YME1L1: variants seen among roughly 807,000 people sequenced by gnomAD.
YME1L1 encodes YME1 like 1 ATPase.
Under a neutral mutation model 90.4 loss-of-function variants are expected in YME1L1, and 39 were observed. That is an observed-to-expected ratio of 0.43 (90% CI 0.33 to 0.56). The LOEUF is 0.56. YME1L1 is among the 20% of genes least tolerant of loss of function. YME1L1 has a pLI of 0.03. For missense variants in YME1L1, 617 were observed against 868.4 expected (o/e 0.71, Z 3.64); for synonymous variants, 284 against 287.3 (o/e 0.99, Z 0.12).
chr10:27,115,009 AGAGCGAGACTCC>A (rs1388895654), intron 17 of YME1L1, among the ~76,000 whole-genome samples: 1 of 152,196 alleles, frequency 6.6e-6, no homozygotes, highest in Non-Finnish European at 1.5e-5. Context: ...CCTAGGTGAC[AGAGCGAGACTCC>A]GTCTCCAAAA....
chr10:27,131,949 GAAGAA>G lies in YME1L1; in HGVS notation c.776-13_776-9del. ...TTGTTGTCCGGAAGCGGACTAAAGGGAAGAAAAGAAATGTTTATATTTGATAGATT... is the reference window on the plus strand; with the variant it reads ...TTGTTGTCCGGAAGCGGACTAAAGGGAAGAAATGTTTATATTTGATAGATT... On this transcript the variant is annotated splice_polypyrimidine_tract_variant and intron_variant, in intron 7 of 18. Coordinates refer to ENST00000376016, the MANE Select transcript of YME1L1 (RefSeq NM_014263.4). 1 of 1,600,958 alleles carries G rather than the reference GAAGAA, an allele frequency of 6.2e-7. No individual in the cohort carries two copies. The highest frequency in any genetic ancestry group is 8.5e-7 in the Non-Finnish European group (1 of 1,174,790).
intron 8 of YME1L1, among the ~76,000 whole-genome samples, chr10:27,128,606 A>G (rs2056944283): frequency 6.6e-6 from 1 of 151,904 alleles, no homozygotes; most frequent in South Asian, 2.1e-4. Context: ...AAAGAAGAAG[A>G]AAAAGAAAGA....
chr10:27,131,711 T>C, intron 8 of YME1L1, 148 bp downstream of exon 8: 1 of 573,922 alleles, frequency 1.7e-6, no homozygotes. Context: ...CCTTGGCTAT[T>C]ATTATTTATC....
intron 4 of YME1L1, among the ~76,000 whole-genome samples, chr10:27,138,262 G>T (rs1450314092): frequency 1.3e-5 from 2 of 152,102 alleles, no homozygotes; most frequent in Middle Eastern, 6.8e-3. Context: ...GTATTTTCAT[G>T]TACTTAAGTA....
At chr10:27,126,646 CTTTG>C (rs1417422219) in intron 9 of YME1L1, 46 bp downstream of exon 9, 2 of 1,032,434 alleles carry the variant, frequency 1.9e-6, no homozygotes, top group Non-Finnish European at 1.4e-6. Context: ...TTGTTTGTTT[CTTTG>C]TTTTTGTTTT....
intron 1 of YME1L1, among the ~76,000 whole-genome samples, chr10:27,152,213 A>G (rs962021691): frequency 3.9e-5 from 6 of 152,220 alleles, no homozygotes; most frequent in Non-Finnish European, 7.3e-5. Flanking sequence ...ACCTCTTTGA[A>G]AAGATTTATT....
intron 4 of YME1L1, among the ~76,000 whole-genome samples, chr10:27,139,142 G>A (rs1205616131): frequency 1.3e-5 from 2 of 151,862 alleles, no homozygotes; most frequent in African/African-American, 4.8e-5. Context: ...CATCTATTTT[G>A]TTCCTCTGTC....
At chr10:27,148,362 C>G (rs545160010) in intron 2 of YME1L1, among the ~76,000 whole-genome samples, 34 of 152,036 alleles carry the variant, frequency 2.2e-4, no homozygotes, top group Non-Finnish European at 4.1e-4. Flanking sequence ...GCCACCACAC[C>G]CGGCTAATTT....
chr10:27,128,501 T>C (rs939660062), intron 8 of YME1L1, among the ~76,000 whole-genome samples: 1 of 151,764 alleles, frequency 6.6e-6, no homozygotes, highest in African/African-American at 2.4e-5. Context: ...TTTGTGAGGC[T>C]GAGATGGGAG....
intron 6 of YME1L1, 147 bp from the exon 7 acceptor site, chr10:27,134,269 T>C: frequency 2.9e-6 from 2 of 694,848 alleles, no homozygotes; most frequent in Non-Finnish European, 4.9e-6. Context: ...ACTGCTATGA[T>C]TTCCTGTAAG....
rs2056923794 is a variant in YME1L1 at position 27,126,770 on chromosome 10, T to C, written c.875A>G (p.Gln292Arg). The change falls in exon 9 of 19, where the codon CAA becomes CGA. Residue 292 changes from glutamine to arginine, a missense_variant. By Grantham distance (43) the Gln-to-Arg change is conservative. Coordinates refer to ENST00000376016, the MANE Select transcript of YME1L1 (RefSeq NM_014263.4). Reference protein sequence around the residue: ...EHVKGVEEAKQELQEVVEFLK... With the variant: ...EHVKGVEEAKRELQEVVEFLK... ...GAATTCAACAACTTCCTGTAATTCT[T>C]GTTTAGCTTCCTCCACCTAAAGTGA... 6 of 1,589,040 alleles carry C rather than the reference T, an allele frequency of 3.8e-6. No individual in the cohort carries two copies. The highest frequency in any genetic ancestry group is 5.1e-6 in the Non-Finnish European group (6 of 1,170,068).
chr10:27,136,465 C>T (rs1253533036), intron 4 of YME1L1, 80 bp from the exon 5 acceptor site: 7 of 1,140,480 alleles, frequency 6.1e-6, no homozygotes, highest in Non-Finnish European at 9.0e-6. Flanking sequence ...AAGTCTGACA[C>T]CCTACCTGTA....
chr10:27,113,020 G>A (rs999731415), intron 18 of YME1L1, among the ~76,000 whole-genome samples: 2 of 151,590 alleles, frequency 1.3e-5, no homozygotes, highest in East Asian at 3.9e-4. Context: ...CCAGGAGTTC[G>A]ACACCAGCCT....
At chr10:27,147,195 C>T (rs2057153030) in intron 2 of YME1L1, 2 of 584,658 alleles carry the variant, frequency 3.4e-6, no homozygotes, top group Non-Finnish European at 6.1e-6. Flanking sequence ...AAATGGAGAA[C>T]TAAGGAAGAT....
At chr10:27,123,512 A>G in intron 10 of YME1L1, 35 bp downstream of exon 10, 1 of 1,603,716 alleles carries the variant, frequency 6.2e-7, no homozygotes, top group Non-Finnish European at 8.5e-7. Context: ...CCTTAACAAA[A>G]TTTAGCACTG....
Position 27,131,957 on chromosome 10 carries a change from G to GAA in YME1L1, c.776-18_776-17dup. 1 of 1,594,428 alleles carries GAA rather than the reference G, an allele frequency of 6.3e-7. No individual in the cohort carries two copies. Among genetic ancestry groups the GAA allele is most frequent in the Non-Finnish European group, 8.6e-7 (1 of 1,169,350 alleles). ...CGGAAGCGGACTAAAGGGAAGAAAAGAAATGTTTATATTTGATAGATTAAT... is the reference window on the plus strand; with the variant it reads ...CGGAAGCGGACTAAAGGGAAGAAAAGAAAAATGTTTATATTTGATAGATTAAT... On this transcript the variant is annotated splice_polypyrimidine_tract_variant and intron_variant, in intron 7 of 18. Coordinates refer to ENST00000376016, the MANE Select transcript of YME1L1 (RefSeq NM_014263.4).
At chr10:27,144,978 A>G (rs2057126911) in intron 3 of YME1L1, among the ~76,000 whole-genome samples, 1 of 152,012 alleles carries the variant, frequency 6.6e-6, no homozygotes, top group Admixed American at 6.6e-5. Flanking sequence ...CATCTCTACT[A>G]AAAATACAAA....
intron 15 of YME1L1, 25 bp from the exon 16 acceptor site, chr10:27,116,370 T>TA (rs2056812996): frequency 1.9e-6 from 3 of 1,611,030 alleles, no homozygotes; most frequent in Admixed American, 1.7e-5. Context: ...ATTAATCAGA[T>TA]AAAAAATAAG....
intron 9 of YME1L1, among the ~76,000 whole-genome samples, chr10:27,126,222 C>T (rs189946774): frequency 3.9e-4 from 60 of 152,112 alleles, no homozygotes; most frequent in African/African-American, 1.3e-3. Context: ...GTGAGTGGAT[C>T]GCTTGAGCCC....
Sources: gnomAD v4.1 joint callset for allele counts (sites outside exome capture counted in the v4.1 genomes callset) on GRCh38, gnomAD v4.1.1 for gene constraint, MANE v1.5 for transcripts, NCBI Gene and HGNC (gene_info 2026-07-23, HGNC 2026-07-21) for gene names.